The following CDC42BPA variants were observed in gnomAD, a reference collection of about 807,000 sequenced individuals.
CDC42BPA encodes the protein CDC42 binding protein kinase alpha.
CDC42BPA carries 80 observed loss-of-function variants against 223.5 expected under a neutral mutation model. That is an observed-to-expected ratio of 0.36 (90% CI 0.30 to 0.43). The LOEUF is 0.43. Ranked by LOEUF, CDC42BPA falls within the 20% of genes least tolerant of loss-of-function variation. The probability of loss-of-function intolerance (pLI) is 1.00; values close to 1 mark genes in which losing one functional copy is unlikely to be tolerated. For synonymous variants in CDC42BPA, 694 were observed against 718.6 expected (o/e 0.97, Z 0.55); for missense variants, 1,743 against 2,099.9 (o/e 0.83, Z 3.32).
At chr1:227,264,531 G>C (rs1293441721) in intron 1 of CDC42BPA, among the ~76,000 whole-genome samples, 1 of 149,470 alleles carries the variant, frequency 6.7e-6, no homozygotes, top group African/African-American at 2.6e-5. Context: ...TTACTAGAAT[G>C]AAACATACAT....
intron 32 of CDC42BPA, among the ~76,000 whole-genome samples, chr1:227,020,674 A>G (rs1667193283): frequency 6.6e-6 from 1 of 152,170 alleles, no homozygotes; most frequent in African/African-American, 2.4e-5. Flanking sequence ...GATCACTAAA[A>G]CTTTCTTTGT....
chr1:227,198,759 G>GT (rs5781469), intron 4 of CDC42BPA, among the ~76,000 whole-genome samples: 13 of 144,282 alleles, frequency 9.0e-5, no homozygotes, highest in African/African-American at 1.3e-4. Context: ...ATTTAAATGT[G>GT]TTTTTTTTTT....
At chr1:227,082,033 A>G (rs1329382133) in intron 16 of CDC42BPA, among the ~76,000 whole-genome samples, 4 of 151,968 alleles carry the variant, frequency 2.6e-5, no homozygotes, top group Admixed American at 6.6e-5. Context: ...ATGGCTGGAT[A>G]TATGTTTTTT....
intron 11 of CDC42BPA, among the ~76,000 whole-genome samples, chr1:227,125,526 G>C (rs1689406678): frequency 6.7e-6 from 1 of 150,288 alleles, no homozygotes; most frequent in South Asian, 2.1e-4. Context: ...GAACCTGGGA[G>C]ATGGTAGTTG....
rs34787332 is a variant in CDC42BPA, at chr1:227,230,816, C to CTTTTTTTTTTTTTT, written c.271-17598_271-17597insAAAAAAAAAAAAAA. On this transcript the variant is annotated intron_variant, in intron 2 of 36. Coordinates refer to ENST00000366766, the MANE Select transcript of CDC42BPA (RefSeq NM_001394014.1). Reference sequence around the variant, plus strand: ...ACTGATTTCTATTTCTTTTTTCTTTCTTTCTTTTTTTTTTTTTTTTTTTGA... The same window carrying CTTTTTTTTTTTTTT: ...ACTGATTTCTATTTCTTTTTTCTTTCTTTTTTTTTTTTTTTTTCTTTTTTTTTTTTTTTTTTTGA... Among the ~76,000 whole-genome samples the CTTTTTTTTTTTTTT allele has an allele frequency of 3.1e-3, 169 of 54,016 alleles. 15 individuals carry two copies. The highest frequency in any genetic ancestry group is 4.8e-3 in the Non-Finnish European group (124 of 26,012). The allele number at this position is 54,016 out of a possible 152,430, so 35.4% of individuals were successfully genotyped here.
At chr1:227,275,104 C>T (rs1165088397) in intron 1 of CDC42BPA, among the ~76,000 whole-genome samples, 2 of 151,840 alleles carry the variant, frequency 1.3e-5, no homozygotes, top group Admixed American at 1.3e-4. Flanking sequence ...ATTTTGAAAA[C>T]CATACAGAAC....
At chr1:227,128,590 T>C (rs1656337196) in intron 11 of CDC42BPA, among the ~76,000 whole-genome samples, 1 of 152,178 alleles carries the variant, frequency 6.6e-6, no homozygotes, top group African/African-American at 2.4e-5. Context: ...AAAAATGCAA[T>C]AAATGAATAA....
intron 1 of CDC42BPA, among the ~76,000 whole-genome samples, chr1:227,266,452 A>G (rs1685015423): frequency 6.6e-6 from 1 of 152,204 alleles, no homozygotes; most frequent in South Asian, 2.1e-4. Flanking sequence ...CAACCCTGGG[A>G]TTGCCTGCCT....
At chr1:226,995,112 C>T (rs1661355704) in intron 35 of CDC42BPA, 132 bp from the exon 36 acceptor site, 2 of 735,498 alleles carry the variant, frequency 2.7e-6, no homozygotes, top group Non-Finnish European at 2.3e-6. Context: ...CGCAGTAAGT[C>T]CAACTGTAGT....
At chr1:227,029,667 G>C (rs1041407180) in intron 29 of CDC42BPA, among the ~76,000 whole-genome samples, 3 of 151,732 alleles carry the variant, frequency 2.0e-5, no homozygotes, top group Non-Finnish European at 4.4e-5. Flanking sequence ...TTAGAATACT[G>C]TATTTATGAA....
At chr1:227,256,950 C>CAG (rs1553420944) in intron 1 of CDC42BPA, among the ~76,000 whole-genome samples, 4 of 42,034 alleles carry the variant, frequency 9.5e-5, no homozygotes, top group Non-Finnish European at 2.3e-4. Flanking sequence ...TATATACAGA[C>CAG]ACACACACAC....
chr1:227,067,924 T>A (rs1302369244), intron 21 of CDC42BPA, among the ~76,000 whole-genome samples: 1 of 152,104 alleles, frequency 6.6e-6, no homozygotes, highest in Non-Finnish European at 1.5e-5. Flanking sequence ...ATAAATGCTT[T>A]AGGACAAGAA....
Position 227,147,567 on chromosome 1 carries a change from A to G in CDC42BPA, c.694-8T>C. On this transcript the variant is annotated splice_region_variant and splice_polypyrimidine_tract_variant and intron_variant, in intron 6 of 36. Transcript: ENST00000366766. Reference sequence around the variant, plus strand: ...AGCCACTGAGGACTGAACCTGAAGAAATTTACATTTTTATTAATCTCCTAT... The same window carrying G: ...AGCCACTGAGGACTGAACCTGAAGAGATTTACATTTTTATTAATCTCCTAT... The G allele has an allele frequency of 6.5e-7, 1 of 1,535,398 alleles. No homozygotes were observed. The highest frequency in any genetic ancestry group is 1.4e-5 in the African/African-American group (1 of 72,250).
At chr1:227,286,094 C>G (rs990746206) in intron 1 of CDC42BPA, among the ~76,000 whole-genome samples, 1 of 152,202 alleles carries the variant, frequency 6.6e-6, no homozygotes, top group Admixed American at 6.5e-5. Context: ...ATGCTACTCT[C>G]TCTAGCAAGT....
chr1:227,034,887 GATAATGTACACGTTTT>G, intron 25 of CDC42BPA, 93 bp from the exon 26 acceptor site: 2 of 1,142,190 alleles, frequency 1.8e-6, no homozygotes, highest in Non-Finnish European at 2.5e-6. Flanking sequence ...AAGACCTACA[GATAATGTACACGTTTT>G]ATAAGTCTGC....
intron 2 of CDC42BPA, among the ~76,000 whole-genome samples, chr1:227,240,548 T>C (rs997079198): frequency 6.6e-6 from 1 of 152,078 alleles, no homozygotes; most frequent in African/African-American, 2.4e-5. Context: ...GACTGTGGTA[T>C]TAGCATAAAG....
intron 24 of CDC42BPA, among the ~76,000 whole-genome samples, chr1:227,036,421 C>CTTT (rs56254464): frequency 5.2e-4 from 37 of 71,150 alleles, no homozygotes; most frequent in South Asian, 1.7e-3. Flanking sequence ...CTTCAATTCA[C>CTTT]TTTTTTTTTT....
At chr1:227,149,536 T>C (rs1176362598) in intron 6 of CDC42BPA, among the ~76,000 whole-genome samples, 1 of 152,168 alleles carries the variant, frequency 6.6e-6, no homozygotes, top group Non-Finnish European at 1.5e-5. Context: ...AGATCCACTC[T>C]ATGAAATAAG....
intron 1 of CDC42BPA, among the ~76,000 whole-genome samples, chr1:227,295,336 T>C (rs1690483839): frequency 6.6e-6 from 1 of 152,032 alleles, no homozygotes; most frequent in Non-Finnish European, 1.5e-5. Context: ...AATTTTTGTA[T>C]TTTTGTAGAG....
Sources: gnomAD v4.1 joint callset for allele counts (sites outside exome capture counted in the v4.1 genomes callset) on GRCh38, gnomAD v4.1.1 for gene constraint, MANE v1.5 for transcripts, NCBI Gene and HGNC (gene_info 2026-07-23, HGNC 2026-07-21) for gene names.